The following LPGAT1 variants were observed in gnomAD, a reference collection of about 807,000 sequenced individuals.
The protein encoded by LPGAT1 is lysophosphatidylglycerol acyltransferase 1.
In LPGAT1, 11 loss-of-function variants were observed where a neutral mutation model predicts 47.5. That is an observed-to-expected ratio of 0.23 (90% CI 0.15 to 0.38). The LOEUF (loss-of-function observed/expected upper bound fraction) is 0.38. Ranked by LOEUF, LPGAT1 falls within the 10% of genes least tolerant of loss-of-function variation. The pLI is 1.00. For synonymous variants in LPGAT1, 138 were observed against 144.2 expected, an observed-to-expected ratio of 0.96 and a Z score of 0.31; for missense variants, 293 against 439.0, an observed-to-expected ratio of 0.67 and a Z score of 2.97.
At chr1:211,752,180 A>G (rs1393527149) in intron 6 of LPGAT1, among the ~76,000 whole-genome samples, 1 of 152,190 alleles carries the variant, frequency 6.6e-6, no homozygotes, top group African/African-American at 2.4e-5. Flanking sequence ...TTGAGAAATT[A>G]TGTATCATTT....
chr1:211,825,188 C>CTTTTTT (rs953536979), intron 2 of LPGAT1, among the ~76,000 whole-genome samples: 1 of 70,902 alleles, frequency 1.4e-5, no homozygotes, highest in Non-Finnish European at 2.5e-5. Flanking sequence ...GCACAGTCTT[C>CTTTTTT]TTTTTTTTTT....
intron 6 of LPGAT1, among the ~76,000 whole-genome samples, chr1:211,762,943 C>A (rs150178464): frequency 6.6e-6 from 1 of 152,152 alleles, no homozygotes; most frequent in East Asian, 1.9e-4. Flanking sequence ...AACTAAGCAC[C>A]GAAGAAGATT....
At chr1:211,799,698 A>G (rs1659495412) in intron 2 of LPGAT1, among the ~76,000 whole-genome samples, 1 of 152,232 alleles carries the variant, frequency 6.6e-6, no homozygotes, top group South Asian at 2.1e-4. Context: ...AGAGGTATAT[A>G]GCCAAATAAT....
intron 6 of LPGAT1, among the ~76,000 whole-genome samples, chr1:211,759,378 A>G (rs1032684554): frequency 8.5e-5 from 13 of 152,082 alleles, no homozygotes; most frequent in African/African-American, 2.9e-4. Flanking sequence ...CATATACCAT[A>G]CCCAGCTCCT....
At chr1:211,812,413 C>G (rs1358138573) in intron 2 of LPGAT1, among the ~76,000 whole-genome samples, 1 of 152,098 alleles carries the variant, frequency 6.6e-6, no homozygotes, top group Non-Finnish European at 1.5e-5. Flanking sequence ...AAGAGATTAA[C>G]TAGAACACAC....
intron 5 of LPGAT1, among the ~76,000 whole-genome samples, chr1:211,781,046 C>T (rs1658620187): frequency 6.6e-6 from 1 of 152,008 alleles, no homozygotes. Flanking sequence ...AACACAAAGG[C>T]ATGGTTTGCG....
At chr1:211,812,920 T>C (rs1660040112) in intron 2 of LPGAT1, among the ~76,000 whole-genome samples, 3 of 152,200 alleles carry the variant, frequency 2.0e-5, no homozygotes, top group East Asian at 3.9e-4. Context: ...AATAAGTTTA[T>C]GTTTCTTTAA....
chr1:211,795,427 G>A (rs1358891506), intron 2 of LPGAT1, among the ~76,000 whole-genome samples: 1 of 152,142 alleles, frequency 6.6e-6, no homozygotes, highest in Non-Finnish European at 1.5e-5. Flanking sequence ...GAGTGCAATG[G>A]CGTGATCTCA....
chr1:211,783,012 T>A (rs557708598), intron 5 of LPGAT1, among the ~76,000 whole-genome samples: 1 of 152,228 alleles, frequency 6.6e-6, no homozygotes, highest in Admixed American at 6.5e-5. Context: ...AGGAGAAAGA[T>A]ATCTTTGACT....
At chr1:211,802,688 A>G (rs554681852) in intron 2 of LPGAT1, among the ~76,000 whole-genome samples, 34 of 152,314 alleles carry the variant, frequency 2.2e-4, no homozygotes, top group African/African-American at 8.2e-4. Flanking sequence ...CCAGCCTTCA[A>G]ATAACAAGAG....
intron 6 of LPGAT1, among the ~76,000 whole-genome samples, chr1:211,762,704 T>C (rs1657749501): frequency 6.6e-6 from 1 of 152,184 alleles, no homozygotes; most frequent in Non-Finnish European, 1.5e-5. Context: ...TTATTATCAG[T>C]AATTCAGAAT....
rs1016215156 is a variant in LPGAT1, at chr1:211,785,098, C to T, written c.454-1596G>A. Among the ~76,000 whole-genome samples, 10 of 152,228 alleles carry T rather than the reference C, an allele frequency of 6.6e-5. No individual in the cohort carries two copies. The East Asian group carries it at 1.7e-3, about 26-fold the overall frequency. On this transcript the variant is annotated intron_variant, in intron 4 of 7. Transcript: ENST00000366997. The stretch of plus-strand genomic sequence containing the variant: ...GATTACAGGCGTGAGCCACTGCGCC[C>T]AGCCGGTTCTTTCTTTCAGTGTGAT...
At chr1:211,820,608 GAA>G (rs927740612) in intron 2 of LPGAT1, among the ~76,000 whole-genome samples, 5 of 149,952 alleles carry the variant, frequency 3.3e-5, no homozygotes, top group African/African-American at 1.2e-4. Context: ...GGAGAACAAA[GAA>G]GAGACGTTGC....
At chr1:211,813,475 A>G (rs1660068065) in intron 2 of LPGAT1, among the ~76,000 whole-genome samples, 1 of 152,362 alleles carries the variant, frequency 6.6e-6, no homozygotes, top group Non-Finnish European at 1.5e-5. Context: ...AAAGGATCAG[A>G]GAGCAAAATT....
intron 2 of LPGAT1, among the ~76,000 whole-genome samples, chr1:211,805,496 T>C (rs1041071187): frequency 1.1e-4 from 17 of 152,188 alleles, no homozygotes; most frequent in African/African-American, 3.6e-4. Context: ...AGTAGAACCA[T>C]GAAAAGTCAG....
At chr1:211,769,220 C>G (rs1487831613) in intron 6 of LPGAT1, among the ~76,000 whole-genome samples, 3 of 151,790 alleles carry the variant, frequency 2.0e-5, no homozygotes. Flanking sequence ...GTGGCTAGGA[C>G]CAGGATGAAA....
At chr1:211,776,327 A>C (rs949862016) in intron 6 of LPGAT1, among the ~76,000 whole-genome samples, 1 of 152,136 alleles carries the variant, frequency 6.6e-6, no homozygotes, top group Admixed American at 6.5e-5. Flanking sequence ...ACTTGAGGTC[A>C]GGAGTTCGAG....
chr1:211,819,440 T>C (rs1224063033), intron 2 of LPGAT1, among the ~76,000 whole-genome samples: 1 of 151,900 alleles, frequency 6.6e-6, no homozygotes, highest in African/African-American at 2.4e-5. Flanking sequence ...CTGTAGTGAG[T>C]TGGAATGCAC....
chr1:211,819,851 G>A (rs1383739294), intron 2 of LPGAT1, among the ~76,000 whole-genome samples: 1 of 152,094 alleles, frequency 6.6e-6, no homozygotes, highest in Non-Finnish European at 1.5e-5. Context: ...CAAGCATGGT[G>A]GCAGACGCCT....
Sources: allele counts gnomAD v4.1 joint callset (sites outside exome capture counted in the v4.1 genomes callset), GRCh38; gene constraint gnomAD v4.1.1; transcripts MANE v1.5; gene names NCBI Gene and HGNC (gene_info 2026-07-23, HGNC 2026-07-21).